The following REV1 variants were observed in gnomAD, a reference collection of about 807,000 sequenced individuals.
The protein encoded by REV1 is REV1 DNA directed polymerase.
Under a neutral mutation model 137.4 loss-of-function variants are expected in REV1, and 42 were observed. The ratio of observed to expected loss-of-function variants is 0.31; its 90% CI spans 0.24 to 0.40. The LOEUF is 0.40. Among genes scored for constraint, REV1 ranks in the 10% least tolerant of loss-of-function variants. The pLI, the probability that REV1 is intolerant of heterozygous loss-of-function variation, is 1.00. For synonymous variants in REV1, 524 were observed against 519.2 expected, an observed-to-expected ratio of 1.01 and a Z score of -0.12; for missense variants, 1,282 against 1,490.1, an observed-to-expected ratio of 0.86 and a Z score of 2.30.
chr2:99,410,586 G>C (rs1390503923), intron 14 of REV1, 109 bp downstream of exon 14: 3 of 943,944 alleles, frequency 3.2e-6, no homozygotes, highest in African/African-American at 3.4e-5. Flanking sequence ...CAGATTAACG[G>C]GTTTACAGGT....
chr2:99,440,435 G>C (rs957062039), intron 5 of REV1, among the ~76,000 whole-genome samples: 1 of 152,186 alleles, frequency 6.6e-6, no homozygotes. Flanking sequence ...TGGTTTATTA[G>C]TAATGAGAGC....
chr2:99,467,094 T>A (rs1684892792), intron 1 of REV1, among the ~76,000 whole-genome samples: 4 of 152,078 alleles, frequency 2.6e-5, no homozygotes, highest in African/African-American at 7.2e-5. Flanking sequence ...TAAAGGTAAA[T>A]AAAGGAGTAA....
chr2:99,410,773 T>C lies in REV1; in HGVS notation c.2267A>G (p.Lys756Arg), dbSNP rs753612679. ...TGMKGKRLTLKIMVRKPGAPV... is the reference protein window; with the variant it reads ...TGMKGKRLTLRIMVRKPGAPV... ...AGCCCCAGGCTTTCGTACCATGATT[T>C]TGAGAGTTAGACGTTTACCCTTCAT... Residue 756 changes from lysine to arginine, a missense_variant, in exon 14 of 23, where the codon AAA becomes AGA. Physicochemically the swap from Lys to Arg is conservative, Grantham distance 26. Transcript: ENST00000258428. 2 of 1,612,418 alleles carry C rather than the reference T, an allele frequency of 1.2e-6. No homozygotes were observed. The highest frequency in any genetic ancestry group is 4.5e-5 in the East Asian group (2 of 44,844).
At chr2:99,486,526 C>T (rs1687155733) in intron 1 of REV1, among the ~76,000 whole-genome samples, 1 of 94,980 alleles carries the variant, frequency 1.1e-5, no homozygotes, top group South Asian at 3.0e-4. Flanking sequence ...GAGACTCCAT[C>T]TCAAAAAAAA....
At chr2:99,426,535 C>CACTT (rs1198640161) in intron 9 of REV1, among the ~76,000 whole-genome samples, 1 of 152,082 alleles carries the variant, frequency 6.6e-6, no homozygotes, top group East Asian at 1.9e-4. Context: ...AGCCATTAGA[C>CACTT]ACTATAAGGA....
At chr2:99,405,588 T>TC (rs369466561) in intron 17 of REV1, 31 of 201,042 alleles carry the variant, frequency 1.5e-4, no homozygotes, top group African/African-American at 6.9e-4. Context: ...TCACCACTAA[T>TC]CACCAAAGCT....
chr2:99,438,879 G>A lies in REV1; in HGVS notation c.935C>T (p.Ala312Val), dbSNP rs1681109439. 1.9e-6 allele frequency: 3 copies of A among 1,614,212 alleles called. No individual in the cohort carries two copies. The highest frequency in any genetic ancestry group is 2.5e-6 in the Non-Finnish European group (3 of 1,180,044). ...PLHSNTKING[A>V]HHSTVQGPSS... is the part of the protein sequence containing the mutation. ...AGGCCCCTGAACAGTGGAGTGGTGA[G>A]CACCATTGATTTTAGTGTTACTGTG... The change falls in exon 6 of 23, where the codon GCT becomes GTT. Residue 312 changes from alanine (A) to valine (V), a missense_variant. Around this residue, in one of 7 missense-constraint regions of REV1, gnomAD observed 432 missense variants for 438.0 expected, o/e 0.99. Coordinates refer to ENST00000258428, the MANE Select transcript of REV1 (RefSeq NM_016316.4).
At chr2:99,478,809 G>A (rs1686262785) in intron 1 of REV1, among the ~76,000 whole-genome samples, 1 of 152,170 alleles carries the variant, frequency 6.6e-6, no homozygotes, top group Non-Finnish European at 1.5e-5. Context: ...TCTAGGGCAG[G>A]GCTGGAAATT....
At position 99,435,883 on chromosome 2, in the gene REV1, C is replaced by G. The variant is rs1575094175; in HGVS notation, c.1272G>C (p.Met424Ile). 1 of 1,608,882 alleles carries G rather than the reference C, an allele frequency of 6.2e-7. No individual in the cohort carries two copies. Among genetic ancestry groups the G allele is most frequent in the East Asian group, 2.2e-5 (1 of 44,660 alleles). ...RHQSCIMHVD[M>I]DCFFVSVGIR... ...TACCCACTGATACAAAGAAGCAATCCATATCAACATGCATTATACAGCTCT... is the reference window on the plus strand; with the variant it reads ...TACCCACTGATACAAAGAAGCAATCGATATCAACATGCATTATACAGCTCT... The change falls in exon 7 of 23, where the codon ATG becomes ATC. Residue 424 changes from methionine to isoleucine, a missense_variant. Transcript: ENST00000258428.
intron 4 of REV1, among the ~76,000 whole-genome samples, chr2:99,448,131 G>T (rs1682461393): frequency 1.3e-5 from 2 of 152,286 alleles, no homozygotes; most frequent in South Asian, 4.1e-4. Context: ...AATTTATGCG[G>T]CTAAATACAC....
chr2:99,475,939 T>C (rs1575232133), intron 1 of REV1, among the ~76,000 whole-genome samples: 2 of 152,102 alleles, frequency 1.3e-5, no homozygotes, highest in African/African-American at 4.8e-5. Flanking sequence ...GCTGAGATCA[T>C]GCCACTGCAC....
chr2:99,483,187 T>C (rs1036293278), intron 1 of REV1, among the ~76,000 whole-genome samples: 1 of 151,708 alleles, frequency 6.6e-6, no homozygotes, highest in Admixed American at 6.6e-5. Flanking sequence ...ATGAGTAAAA[T>C]ACAGAACTTA....
chr2:99,428,045 A>C (rs952906781), intron 9 of REV1, among the ~76,000 whole-genome samples: 1 of 152,158 alleles, frequency 6.6e-6, no homozygotes, highest in Non-Finnish European at 1.5e-5. Flanking sequence ...AGAGCTGGTG[A>C]CACTTTCACC....
chr2:99,476,745 C>T (rs1369503932), intron 1 of REV1, among the ~76,000 whole-genome samples: 1 of 152,114 alleles, frequency 6.6e-6, no homozygotes, highest in Non-Finnish European at 1.5e-5. Flanking sequence ...TCTAAGTGAC[C>T]AAGTCCCAGT....
intron 3 of REV1, among the ~76,000 whole-genome samples, chr2:99,455,625 C>G (rs1388794014): frequency 3.9e-5 from 6 of 152,106 alleles, no homozygotes; most frequent in Admixed American, 2.0e-4. Flanking sequence ...CTCTTATCTA[C>G]AAGATGAGAG....
At chr2:99,412,411 A>G (rs1363122938) in intron 13 of REV1, among the ~76,000 whole-genome samples, 1 of 152,208 alleles carries the variant, frequency 6.6e-6, no homozygotes, top group African/African-American at 2.4e-5. Flanking sequence ...AAATATTTCA[A>G]CATTAAAAAT....
At chr2:99,435,632 A>G in intron 7 of REV1, 1 of 379,882 alleles carries the variant, frequency 2.6e-6, no homozygotes, top group Non-Finnish European at 4.7e-6. Flanking sequence ...GAAGATGAAT[A>G]TTCTTCCCTG....
chr2:99,443,469 T>C (rs1228560999), intron 4 of REV1, among the ~76,000 whole-genome samples: 1 of 152,180 alleles, frequency 6.6e-6, no homozygotes, highest in Non-Finnish European at 1.5e-5. Context: ...CTGAATTGGC[T>C]TACAGAATAC....
At chr2:99,459,028 G>A (rs1419005512) in intron 3 of REV1, among the ~76,000 whole-genome samples, 4 of 152,090 alleles carry the variant, frequency 2.6e-5, no homozygotes, top group African/African-American at 9.7e-5. Context: ...CTAACACGGT[G>A]AAACCCCGTC....
Sources: allele counts gnomAD v4.1 joint callset (sites outside exome capture counted in the v4.1 genomes callset), GRCh38; gene constraint gnomAD v4.1.1; regional missense constraint gnomAD v4.1.1; transcripts MANE v1.5; gene names NCBI Gene and HGNC (gene_info 2026-07-23, HGNC 2026-07-21).